The following ARSB variants were observed in gnomAD, a reference collection of about 807,000 sequenced individuals.
The protein encoded by ARSB is arylsulfatase B, also known as N-acetylgalactosamine-4-sulfatase.
Under a neutral mutation model 50.9 loss-of-function variants are expected in ARSB, and 41 were observed. The observed-to-expected ratio is 0.81, with a 90% CI of 0.63 to 1.04. The LOEUF (loss-of-function observed/expected upper bound fraction) is 1.04. Ranked by LOEUF, ARSB falls within the 50% of genes least tolerant of loss-of-function variation. The pLI, the probability that ARSB is intolerant of heterozygous loss-of-function variation, is 0.00. For missense variants in ARSB, 672 were observed against 693.3 expected, an observed-to-expected ratio of 0.97 and a Z score of 0.35; for synonymous variants, 269 against 284.8, an observed-to-expected ratio of 0.94 and a Z score of 0.56.
intron 6 of ARSB, among the ~76,000 whole-genome samples, chr5:78,789,797 T>C (rs913680074): frequency 6.6e-6 from 1 of 152,190 alleles, no homozygotes; most frequent in African/African-American, 2.4e-5. Context: ...TCTAATTTAA[T>C]CCTCGTGAAA....
intron 6 of ARSB, chr5:78,815,772 T>G (rs1371718698): frequency 2.5e-5 from 30 of 1,203,466 alleles, no homozygotes; most frequent in Non-Finnish European, 2.8e-5. Context: ...GGAATTTACT[T>G]TTGGGAAAAG....
intron 4 of ARSB, among the ~76,000 whole-genome samples, chr5:78,905,910 CAAAAAAAAA>C (rs57651882): frequency 0.23 from 21,836 of 94,462 alleles, 1,822 homozygotes; most frequent in East Asian, 0.31. Flanking sequence ...AGCAAAGTAG[CAAAAAAAAA>C]AAAAAAAAAA....
intron 5 of ARSB, among the ~76,000 whole-genome samples, chr5:78,863,977 C>T (rs1746581234): frequency 6.6e-6 from 1 of 151,754 alleles, no homozygotes; most frequent in South Asian, 2.1e-4. Context: ...TTCATACATT[C>T]TCTTTAAAAA....
At chr5:78,977,814 A>G (rs1268512037) in intron 1 of ARSB, among the ~76,000 whole-genome samples, 1 of 152,196 alleles carries the variant, frequency 6.6e-6, no homozygotes. Context: ...AAAACTCTAA[A>G]GATTATACAC....
rs570630772 is a variant in ARSB, at chr5:78,839,371, C to T, written c.1198G>A (p.Val400Met). The part of the protein sequence containing the change: ...ELLHNIDPNF[V>M]DSSPCPRNSM... ...TGGTACTCACACGGTGAAGAGTCCA[C>T]GAAGTTCGGGTCAATATTATGCAGC... is the stretch of plus-strand genomic sequence containing the variant. Residue 400 changes from valine (V) to methionine (M), a missense_variant, in exon 6 of 8, where the codon GTG becomes ATG. Physicochemically the swap from Val to Met is conservative, Grantham distance 21. Coordinates refer to ENST00000264914, the MANE Select transcript of ARSB (RefSeq NM_000046.5). The T allele has an allele frequency of 1.2e-5, 19 of 1,613,576 alleles. No individual in the cohort carries two copies. Among genetic ancestry groups the T allele is most frequent in the Non-Finnish European group, 1.4e-5 (16 of 1,179,744 alleles).
chr5:78,899,615 T>C (rs1008851230), intron 4 of ARSB, among the ~76,000 whole-genome samples: 1 of 152,230 alleles, frequency 6.6e-6, no homozygotes, highest in Non-Finnish European at 1.5e-5. Flanking sequence ...TCAGAGCCTC[T>C]TAAGAGTTCT....
In ARSB at chr5:78,779,474, C is replaced by T. The variant is rs879097374; in HGVS notation, c.*923G>A. On this transcript the variant is annotated 3_prime_UTR_variant, in exon 8 of 8. Transcript: ENST00000264914. Reference sequence around the variant, plus strand: ...ACTCCATGCAATATAGGAAAAGCCTCGCTGAACAGATGCCACAGAGCCAAG... The same window carrying T: ...ACTCCATGCAATATAGGAAAAGCCTTGCTGAACAGATGCCACAGAGCCAAG... The T allele has an allele frequency of 2.0e-5, 3 of 152,386 alleles. No individual in the cohort carries two copies. The highest frequency in any genetic ancestry group is 4.8e-5 in the African/African-American group (2 of 41,584). 9.4% of individuals were successfully genotyped at this position (152,386 alleles called of 1,614,324 possible).
chr5:78,866,616 CT>C (rs1746754931), intron 5 of ARSB, among the ~76,000 whole-genome samples: 1 of 152,180 alleles, frequency 6.6e-6, no homozygotes. Flanking sequence ...AAGGAAGTAG[CT>C]TGGATAAGGA....
Position 78,972,516 on chromosome 5 carries a change from T to TACACACACACACACACACACAC in ARSB, c.313-3346_313-3325dup, listed in dbSNP as rs59035274. On this transcript the variant is annotated intron_variant, in intron 1 of 7. Coordinates refer to ENST00000264914, the MANE Select transcript of ARSB (RefSeq NM_000046.5). Reference sequence around the variant, plus strand: ...CTCTTAGCACATTTGCACGCATACGTACACACACACACACACACACACACA... The same window carrying TACACACACACACACACACACAC: ...CTCTTAGCACATTTGCACGCATACGTACACACACACACACACACACACACACACACACACACACACACACACA... Among the ~76,000 whole-genome samples the TACACACACACACACACACACAC allele has an allele frequency of 2.3e-3, 336 of 145,662 alleles. 2 individuals are homozygous for TACACACACACACACACACACAC. The highest frequency in any genetic ancestry group is 8.1e-3 in the African/African-American group (309 of 38,194).
In ARSB at chr5:78,919,005, G is replaced by A. The variant is rs142442052; in HGVS notation, c.899-33178C>T. Among the ~76,000 whole-genome samples, 26 of 152,306 alleles carry A rather than the reference G, an allele frequency of 1.7e-4. No homozygotes were observed. In the East Asian group the frequency reaches 3.7e-3, roughly 21 times the overall value. ...GAGGATAAGGAACAGAGTCAATTAA[G>A]ATTTGGGATTTTCCATAAGTGTGAG... On this transcript the variant is annotated intron_variant, in intron 4 of 7. Coordinates refer to ENST00000264914, the MANE Select transcript of ARSB (RefSeq NM_000046.5).
intron 4 of ARSB, among the ~76,000 whole-genome samples, chr5:78,948,149 G>A (rs1043675336): frequency 2.6e-5 from 4 of 152,152 alleles, no homozygotes; most frequent in African/African-American, 7.2e-5. Context: ...GTAGTGGGGT[G>A]AGGGTAGGGG....
At chr5:78,923,410 G>A (rs545645673) in intron 4 of ARSB, among the ~76,000 whole-genome samples, 38 of 152,340 alleles carry the variant, frequency 2.5e-4, no homozygotes, top group African/African-American at 8.7e-4. Flanking sequence ...AGAAACTCAC[G>A]AAAGCCTGCT....
chr5:78,871,009 T>A (rs1003578043), intron 5 of ARSB, among the ~76,000 whole-genome samples: 7 of 151,052 alleles, frequency 4.6e-5, no homozygotes, highest in African/African-American at 1.7e-4. Flanking sequence ...CAAGCATTCC[T>A]ATACACCAAC....
At chr5:78,782,612 GT>G (rs1748959216) in intron 6 of ARSB, among the ~76,000 whole-genome samples, 2 of 152,152 alleles carry the variant, frequency 1.3e-5, no homozygotes, top group South Asian at 4.2e-4. Context: ...CATCAGGTTG[GT>G]TTTTTGCTTT....
chr5:78,847,188 C>G (rs1745482883), intron 5 of ARSB, among the ~76,000 whole-genome samples: 1 of 152,100 alleles, frequency 6.6e-6, no homozygotes, highest in Non-Finnish European at 1.5e-5. Flanking sequence ...AGTACAGTGG[C>G]TTGATCATGG....
intron 5 of ARSB, among the ~76,000 whole-genome samples, chr5:78,859,093 T>G (rs1409553242): frequency 1.3e-5 from 2 of 152,170 alleles, no homozygotes; most frequent in African/African-American, 4.8e-5. Context: ...TTTCCTTTGT[T>G]AAGGGTGTGT....
intron 5 of ARSB, among the ~76,000 whole-genome samples, chr5:78,845,078 CTT>C (rs371902822): frequency 1.0e-3 from 156 of 152,086 alleles, no homozygotes; most frequent in African/African-American, 3.5e-3. Context: ...CTACTCTACT[CTT>C]TGCTTCTATG....
intron 5 of ARSB, among the ~76,000 whole-genome samples, chr5:78,843,474 G>A (rs1018586993): frequency 2.6e-5 from 4 of 152,110 alleles, no homozygotes; most frequent in African/African-American, 9.7e-5. Flanking sequence ...CTGATGCATG[G>A]GTTCAATCCC....
At chr5:78,957,380 T>C (rs74534266) in intron 3 of ARSB, among the ~76,000 whole-genome samples, 1,624 of 152,296 alleles carry the variant, frequency 0.011, 22 homozygotes, top group African/African-American at 0.037. Context: ...TATCCATACA[T>C]AGAGCTCAAA....
Sources: gnomAD v4.1 joint callset for allele counts (sites outside exome capture counted in the v4.1 genomes callset) on GRCh38, gnomAD v4.1.1 for gene constraint, MANE v1.5 for transcripts, NCBI Gene and HGNC (gene_info 2026-07-23, HGNC 2026-07-21) for gene names.